Variants in EPB41L2 observed in about 807,000 individuals in gnomAD.
EPB41L2 encodes erythrocyte membrane protein band 4.1 like 2.
In EPB41L2, 43 loss-of-function variants were observed where a neutral mutation model predicts 113.0. The observed-to-expected ratio is 0.38, with a 90% CI of 0.30 to 0.49. The LOEUF (loss-of-function observed/expected upper bound fraction) is 0.49, where lower values mean the gene tolerates loss of function less well. Ranked by LOEUF, EPB41L2 falls within the 20% of genes least tolerant of loss-of-function variation. The pLI is 0.95. For missense variants in EPB41L2, 1,147 were observed against 1,223.4 expected, an observed-to-expected ratio of 0.94 and a Z score of 0.93; for synonymous variants, 442 against 436.7, an observed-to-expected ratio of 1.01 and a Z score of -0.15.
chr6:131,002,608 T>C lies in EPB41L2; in HGVS notation c.-14-46109A>G, dbSNP rs183286966. On this transcript the variant is annotated intron_variant, in intron 1 of 19. Coordinates refer to ENST00000337057, the MANE Select transcript of EPB41L2 (RefSeq NM_001431.4). The stretch of plus-strand genomic sequence containing the variant: ...AAAAGGAATCTGGCATGTGAGATGA[T>C]AGTTACTTTGGCAAAATCATTTTAA... Among the ~76,000 whole-genome samples, 536 of 152,354 alleles carry C rather than the reference T, an allele frequency of 3.5e-3. 5 individuals carry two copies. Among genetic ancestry groups the C allele is most frequent in the South Asian group, 0.032 (155 of 4,830 alleles).
chr6:130,942,791 CCT>C (rs981776281), intron 3 of EPB41L2, among the ~76,000 whole-genome samples: 3 of 152,238 alleles, frequency 2.0e-5, no homozygotes, highest in Middle Eastern at 3.4e-3. Flanking sequence ...GTGATGTTCC[CCT>C]CTCTGTGTCC....
At chr6:130,886,020 G>A (rs1385637069) in intron 11 of EPB41L2, among the ~76,000 whole-genome samples, 1 of 152,140 alleles carries the variant, frequency 6.6e-6, no homozygotes, top group Non-Finnish European at 1.5e-5. Flanking sequence ...ACATCAGCAA[G>A]GCAAAGTGAG....
At chr6:130,941,383 G>T (rs1372947027) in intron 3 of EPB41L2, among the ~76,000 whole-genome samples, 1 of 152,156 alleles carries the variant, frequency 6.6e-6, no homozygotes, top group Admixed American at 6.5e-5. Flanking sequence ...AAAGAGGCTA[G>T]TATCGAACTT....
intron 1 of EPB41L2, among the ~76,000 whole-genome samples, chr6:131,037,111 G>A (rs1210922433): frequency 6.6e-6 from 1 of 152,194 alleles, no homozygotes; most frequent in Non-Finnish European, 1.5e-5. Flanking sequence ...TAATGTATTT[G>A]CTTATTCCAA....
rs145170836 is a variant in EPB41L2 at position 130,931,064 on chromosome 6, A to T, written c.706-4355T>A. ...AAGACAAAGGGAAGGACAATATGAA[A>T]GAACTTCACAGACATGGAGAACAGA... On this transcript the variant is annotated intron_variant, in intron 3 of 19. Coordinates refer to ENST00000337057, the MANE Select transcript of EPB41L2 (RefSeq NM_001431.4). 4.0e-3 allele frequency among the ~76,000 whole-genome samples: 610 copies of T among 152,262 alleles called. 3 individuals carry two copies. Among genetic ancestry groups the T allele is most frequent in the African/African-American group, 0.014 (578 of 41,550 alleles).
chr6:130,869,576 A>G lies in EPB41L2; in HGVS notation c.2594T>C (p.Ile865Thr). 1 of 1,614,048 alleles carries G rather than the reference A, an allele frequency of 6.2e-7. No homozygotes were observed. The highest frequency in any genetic ancestry group is 8.5e-7 in the Non-Finnish European group (1 of 1,179,954). The stretch of plus-strand genomic sequence containing the variant: ...ACTCCCATTTACCTCTGAACAACAA[A>G]TAATTTGTGGCAAAACATCAATGTC... ...HVDIDVLPQIICCSEPPVVKT... is the reference protein window; with the variant it reads ...HVDIDVLPQITCCSEPPVVKT... The change falls in exon 15 of 20, where the codon ATT becomes ACT. Residue 865 changes from isoleucine to threonine, a missense_variant. By Grantham distance (89) the Ile-to-Thr change is moderately conservative. Transcript: ENST00000337057.
At chr6:130,951,528 T>C (rs182573238) in intron 3 of EPB41L2, among the ~76,000 whole-genome samples, 20 of 151,608 alleles carry the variant, frequency 1.3e-4, no homozygotes, top group Admixed American at 2.6e-4. Context: ...AGTTTCATCA[T>C]GTTGGTCAGG....
At chr6:130,888,380 A>G (rs1791723305) in intron 11 of EPB41L2, among the ~76,000 whole-genome samples, 2 of 152,174 alleles carry the variant, frequency 1.3e-5, no homozygotes, top group African/African-American at 4.8e-5. Flanking sequence ...TTACTGTGCC[A>G]TGTTTGTTGT....
Position 130,900,968 on chromosome 6 carries a change from G to T in EPB41L2, c.1142C>A (p.Thr381Asn). The T allele has an allele frequency of 6.2e-7, 1 of 1,614,124 alleles. No homozygotes were observed. The highest frequency in any genetic ancestry group is 8.5e-7 in the Non-Finnish European group (1 of 1,179,988). Residue 381 changes from threonine (T) to asparagine (N), a missense_variant, in exon 7 of 20, where the codon ACC becomes AAC. Coordinates refer to ENST00000337057, the MANE Select transcript of EPB41L2 (RefSeq NM_001431.4). ...AGTAAGCAAGGCAACAGACCTGTGG[G>T]TTTTGTGCAGCTCTGCCACCTTCTC... ...LEEKVAELHK[T>N]HRGLSPAQAD...
At chr6:130,863,567 G>C (rs1255967906) in intron 18 of EPB41L2, 71 bp downstream of exon 18, 1 of 1,095,282 alleles carries the variant, frequency 9.1e-7, no homozygotes, top group Non-Finnish European at 1.4e-6. Flanking sequence ...ACAGGTATGC[G>C]ACATGATGAC....
At chr6:130,899,663 G>T in intron 7 of EPB41L2, 85 bp from the exon 8 acceptor site, 1 of 1,298,038 alleles carries the variant, frequency 7.7e-7, no homozygotes, top group Non-Finnish European at 1.1e-6. Flanking sequence ...GTGCTCAGAG[G>T]GTTTGGAGGA....
intron 1 of EPB41L2, among the ~76,000 whole-genome samples, chr6:131,038,476 T>C (rs1181034713): frequency 6.6e-6 from 1 of 152,178 alleles, no homozygotes; most frequent in East Asian, 1.9e-4. Context: ...GTTAAAGCAA[T>C]TTCACACATT....
intron 12 of EPB41L2, chr6:130,882,116 A>G (rs1309756289): frequency 6.6e-6 from 1 of 152,222 alleles, no homozygotes; most frequent in Non-Finnish European, 1.5e-5. Context: ...TTCTATATCA[A>G]AACAAAAAGA....
intron 1 of EPB41L2, among the ~76,000 whole-genome samples, chr6:131,030,440 A>T (rs1791911097): frequency 6.6e-6 from 1 of 152,274 alleles, no homozygotes; most frequent in South Asian, 2.1e-4. Flanking sequence ...TTCAGAAAGC[A>T]GAAAGTGACA....
chr6:131,059,382 G>A (rs895948266), intron 1 of EPB41L2, among the ~76,000 whole-genome samples: 1 of 152,196 alleles, frequency 6.6e-6, no homozygotes, highest in African/African-American at 2.4e-5. Context: ...CCAAAGAGGT[G>A]GGATTACAGG....
chr6:130,869,162 A>AT (rs755208938), intron 15 of EPB41L2, among the ~76,000 whole-genome samples: 15 of 150,214 alleles, frequency 1.0e-4, no homozygotes, highest in South Asian at 2.1e-4. Flanking sequence ...AGCAGTGACC[A>AT]TTTTTTTTTT....
At chr6:130,854,934 A>C (rs192802136) in intron 19 of EPB41L2, among the ~76,000 whole-genome samples, 1,854 of 152,278 alleles carry the variant, frequency 0.012, 24 homozygotes, top group Non-Finnish European at 0.021. Flanking sequence ...GCTACTCGGG[A>C]GGATGAAGGA....
intron 4 of EPB41L2, among the ~76,000 whole-genome samples, chr6:130,924,905 A>G (rs1350255727): frequency 6.6e-6 from 1 of 152,206 alleles, no homozygotes; most frequent in African/African-American, 2.4e-5. Flanking sequence ...TATACAGATA[A>G]GTAAGTCATG....
chr6:130,952,353 A>T lies in EPB41L2; in HGVS notation c.705+2752T>A, dbSNP rs997951092. On this transcript the variant is annotated intron_variant, in intron 3 of 19. Coordinates refer to ENST00000337057, the MANE Select transcript of EPB41L2 (RefSeq NM_001431.4). Reference sequence around the variant, plus strand: ...CAAGGAAACATGTCTTAAAATGTTCACTAAAGAACTATTTCTTATAGTATA... The same window carrying T: ...CAAGGAAACATGTCTTAAAATGTTCTCTAAAGAACTATTTCTTATAGTATA... Among the ~76,000 whole-genome samples, 6 of 151,222 alleles carry T rather than the reference A, an allele frequency of 4.0e-5. 2 individuals carry two copies. Among genetic ancestry groups the T allele is most frequent in the Non-Finnish European group, 8.9e-5 (6 of 67,764 alleles).
Sources: gnomAD v4.1 joint callset for allele counts (sites outside exome capture counted in the v4.1 genomes callset) on GRCh38, gnomAD v4.1.1 for gene constraint, MANE v1.5 for transcripts, NCBI Gene and HGNC (gene_info 2026-07-23, HGNC 2026-07-21) for gene names.